RBM42: variants seen among roughly 807,000 people sequenced by gnomAD.
The protein encoded by RBM42 is RNA binding motif protein 42, also known as RNA-binding protein 42.
In RBM42, 21 loss-of-function variants were observed where a neutral mutation model predicts 41.4. That is an observed-to-expected ratio of 0.51 (90% CI 0.36 to 0.73). The LOEUF is 0.73. RBM42 is among the 30% of genes least tolerant of loss of function. The pLI is 0.00. For missense variants in RBM42, 539 were observed against 680.4 expected (o/e 0.79, Z 2.31); for synonymous variants, 272 against 271.2 (o/e 1.00, Z -0.03).
rs368312075 is a variant in RBM42, at chr19:35,637,385, C to T, written c.1330+33C>T. 3.5e-5 allele frequency: 57 copies of T among 1,613,300 alleles called. 1 individual carries two copies. The highest frequency in any genetic ancestry group is 1.8e-4 in the South Asian group (16 of 91,026). Reference sequence around the variant, plus strand: ...CGGCCTCCCCTGGGAACTGCAGGCGCGGCAGGCGCTGGCCTAAGCCTGACC... The same window carrying T: ...CGGCCTCCCCTGGGAACTGCAGGCGTGGCAGGCGCTGGCCTAAGCCTGACC... On this transcript the variant is annotated intron_variant, in intron 9 of 9. Coordinates refer to ENST00000262633, the MANE Select transcript of RBM42 (RefSeq NM_024321.5). This position sits in a 1 kb window ranked among gnomAD's most constrained non-coding sequence, Gnocchi z 7.0.
chr19:35,632,966 G>C lies in RBM42; in HGVS notation c.473G>C (p.Arg158Pro). 6.2e-7 allele frequency: 1 copy of C among 1,606,258 alleles called. No individual in the cohort carries two copies. The highest frequency in any genetic ancestry group is 8.5e-7 in the Non-Finnish European group (1 of 1,174,656). Residue 158 changes from arginine to proline, a missense_variant, in exon 5 of 10, where the codon CGT becomes CCT. Coordinates refer to ENST00000262633, the MANE Select transcript of RBM42 (RefSeq NM_024321.5). ...AVAPQRAPIL[R>P]PAFVPHVLQR... is the part of the protein sequence containing the mutation. ...GCCCCCCAGAGGGCCCCTATCCTGC[G>C]TCCAGCCTTCGTCCCCCACGTGCTA... is the stretch of plus-strand genomic sequence containing the variant.
At chr19:35,630,457 A>C (rs1368135224) in intron 2 of RBM42, among the ~76,000 whole-genome samples, 1 of 151,936 alleles carries the variant, frequency 6.6e-6, no homozygotes, top group Non-Finnish European at 1.5e-5. Flanking sequence ...AATCTTGTAG[A>C]GCCTTATGGC....
At chr19:35,634,088 CACAG>C (rs1967455047) in intron 7 of RBM42, 69 bp downstream of exon 7, 4 of 1,486,424 alleles carry the variant, frequency 2.7e-6, no homozygotes, top group Non-Finnish European at 2.7e-6. Flanking sequence ...GGAACTTCCA[CACAG>C]ACAGACCGGA....
At chr19:35,634,170 A>T (rs1967456389) in intron 7 of RBM42, 86 bp from the exon 8 acceptor site, 4 of 1,552,402 alleles carry the variant, frequency 2.6e-6, no homozygotes, top group Non-Finnish European at 3.5e-6. Flanking sequence ...TCCAGCCCTT[A>T]CTGTGGTGGC....
At chr19:35,636,649 C>T (rs1967502679) in intron 8 of RBM42, among the ~76,000 whole-genome samples, 2 of 152,168 alleles carry the variant, frequency 1.3e-5, no homozygotes, top group Non-Finnish European at 1.5e-5. Context: ...GCAGGCCTTG[C>T]CAAGGAAGCA....
chr19:35,633,179 C>G lies in RBM42; in HGVS notation c.611C>G (p.Pro204Arg). The G allele has an allele frequency of 1.2e-6, 2 of 1,612,174 alleles. No individual in the cohort carries two copies. The highest frequency in any genetic ancestry group is 1.7e-6 in the Non-Finnish European group (2 of 1,178,784). Residue 204 changes from proline to arginine, a missense_variant, in exon 6 of 10, where the codon CCC (proline) becomes CGC (arginine). Coordinates refer to ENST00000262633, the MANE Select transcript of RBM42 (RefSeq NM_024321.5). The stretch of plus-strand genomic sequence containing the variant: ...CCTCTGCCTGGGCCCCCTGGACCAC[C>G]CATGATGCTGCCACCAATGGCTCGG... ...GPPLPGPPGP[P>R]MMLPPMARAP...
In RBM42 at chr19:35,633,680, C is replaced by T; in HGVS notation, c.685-7C>T. On this transcript the variant is annotated splice_region_variant and splice_polypyrimidine_tract_variant and intron_variant, in intron 6 of 9. Coordinates refer to ENST00000262633, the MANE Select transcript of RBM42 (RefSeq NM_024321.5). ...CGGCCCCCCTCATGCTCTCCTCTTA[C>T]CCACAGGAAGAGCCAGCAGCACCCC... is the stretch of plus-strand genomic sequence containing the variant. 1 of 1,444,198 alleles carries T rather than the reference C, an allele frequency of 6.9e-7. No individual in the cohort carries two copies. Among genetic ancestry groups the T allele is most frequent in the Non-Finnish European group, 9.1e-7 (1 of 1,101,366 alleles). 89.5% of individuals were successfully genotyped at this position (1,444,198 alleles called of 1,614,324 possible). A position where few individuals can be genotyped will look rare whatever the true frequency, so the allele number is the denominator to read the frequency against.
rs993658145 is a variant in RBM42, at chr19:35,637,107, C to T, written c.1136-51C>T. 25 of 1,522,264 alleles carry T rather than the reference C, an allele frequency of 1.6e-5. No homozygotes were observed. The highest frequency in any genetic ancestry group is 2.2e-5 in the Non-Finnish European group (25 of 1,119,324). The allele number at this position is 1,522,264 out of a possible 1,614,324, so 94.3% of individuals were successfully genotyped here. A position where few individuals can be genotyped will look rare whatever the true frequency, so the allele number is the denominator to read the frequency against. On this transcript the variant is annotated intron_variant, in intron 8 of 9. Transcript: ENST00000262633. The surrounding 1 kb of genome is among the most constrained non-coding windows in gnomAD (Gnocchi z 7.0). ...GGTGGGATCGTTCAGACAAGGTAGA[C>T]ACTGGGCAAGGCCTCTGCATCCTCT...
Position 35,637,519 on chromosome 19 carries a change from A to C in RBM42, c.1408A>C (p.Lys470Gln). The C allele has an allele frequency of 6.2e-7, 1 of 1,614,222 alleles. No individual in the cohort carries two copies. Among genetic ancestry groups the C allele is most frequent in the Non-Finnish European group, 8.5e-7 (1 of 1,180,042 alleles). ...KDRNLDVVRKKQKEKKKLGLR is the reference protein window; with the variant it reads ...KDRNLDVVRKQQKEKKKLGLR ...CCGGAATCTGGACGTGGTCCGCAAG[A>C]AGCAGAAGGAAAAGAAGAAGCTGGG... The change falls in exon 10 of 10, where the codon AAG becomes CAG. Residue 470 changes from lysine (K) to glutamine (Q), a missense_variant. Lys to Gln is a moderately conservative substitution (Grantham distance 53). Around this residue, in one of 2 missense-constraint regions of RBM42, gnomAD observed 110 missense variants for 191.5 expected, o/e 0.57. Coordinates refer to ENST00000262633, the MANE Select transcript of RBM42 (RefSeq NM_024321.5). The surrounding 1 kb of genome is among the most constrained non-coding windows in gnomAD (Gnocchi z 7.0).
chr19:35,629,422 G>A, intron 1 of RBM42, 98 bp from the exon 2 acceptor site: 1 of 1,557,296 alleles, frequency 6.4e-7, no homozygotes, highest in Non-Finnish European at 8.7e-7. Context: ...GCGGGGATAG[G>A]GGAGAGGTTG....
chr19:35,630,519 G>A (rs750630730), intron 2 of RBM42, among the ~76,000 whole-genome samples: 5 of 152,140 alleles, frequency 3.3e-5, no homozygotes, highest in Non-Finnish European at 7.4e-5. Flanking sequence ...TGTAATCCCA[G>A]CACTTTGGGA....
chr19:35,629,066 A>C lies in RBM42; in HGVS notation c.-88A>C. 2.1e-6 allele frequency: 3 copies of C among 1,447,692 alleles called. No homozygotes were observed. Among genetic ancestry groups the C allele is most frequent in the Non-Finnish European group, 2.7e-6 (3 of 1,103,020 alleles). 89.7% of individuals were successfully genotyped at this position (1,447,692 alleles called of 1,614,324 possible). On this transcript the variant is annotated 5_prime_UTR_variant, in exon 1 of 10. Coordinates refer to ENST00000262633, the MANE Select transcript of RBM42 (RefSeq NM_024321.5). Reference sequence around the variant, plus strand: ...TGCTGGACGTCATCCTCGGGAGCCCACCCGGACGAAGGGGGAGAGTAGACA... The same window carrying C: ...TGCTGGACGTCATCCTCGGGAGCCCCCCCGGACGAAGGGGGAGAGTAGACA...
chr19:35,629,197 G>T lies in RBM42; in HGVS notation c.44G>T (p.Gly15Val). 6.5e-7 allele frequency: 1 copy of T among 1,535,278 alleles called. No individual in the cohort carries two copies. The highest frequency in any genetic ancestry group is 8.7e-7 in the Non-Finnish European group (1 of 1,144,166). ...GPAPGLPGAG[G>V]PVVPGPGAGI... ...GCCCCGGGACTCCCGGGTGCAGGAGGACCCGTGGTCCCGGGTCCTGGCGCT... is the reference window on the plus strand; with the variant it reads ...GCCCCGGGACTCCCGGGTGCAGGAGTACCCGTGGTCCCGGGTCCTGGCGCT... Residue 15 changes from glycine (G) to valine (V), a missense_variant, in exon 1 of 10, where the codon GGA becomes GTA. Physicochemically the swap from Gly to Val is moderately radical, Grantham distance 109 (BLOSUM62 -3). Transcript: ENST00000262633.
At chr19:35,631,035 A>G in intron 2 of RBM42, 105 bp from the exon 3 acceptor site, 1 of 1,005,426 alleles carries the variant, frequency 9.9e-7, no homozygotes, top group East Asian at 2.4e-5. Flanking sequence ...ATAGCCAGCC[A>G]CATACAGAGC....
chr19:35,631,019 C>A, intron 2 of RBM42, 121 bp from the exon 3 acceptor site: 1 of 860,902 alleles, frequency 1.2e-6, no homozygotes, highest in Non-Finnish European at 1.9e-6. Context: ...TTAGCTAAGA[C>A]CTGAGATAGC....
chr19:35,631,038 T>TAA lies in RBM42; in HGVS notation c.283-101_283-100insAA. On this transcript the variant is annotated intron_variant, in intron 2 of 9. Coordinates refer to ENST00000262633, the MANE Select transcript of RBM42 (RefSeq NM_024321.5). ...CTAAGACCTGAGATAGCCAGCCACA[T>TAA]ACAGAGCACAAAGCATGAAGCTCTT... The TAA allele has an allele frequency of 2.9e-6, 3 of 1,046,754 alleles. No individual in the cohort carries two copies. In the South Asian group the frequency reaches 3.9e-5, roughly 14 times the overall value. 64.8% of individuals were successfully genotyped at this position (1,046,754 alleles called of 1,614,324 possible).
In RBM42 at chr19:35,634,370, G is replaced by T. The variant is rs765949578; in HGVS notation, c.1132G>T (p.Ala378Ser). The T allele has an allele frequency of 1.2e-6, 2 of 1,612,264 alleles. No individual in the cohort carries two copies. The highest frequency in any genetic ancestry group is 3.3e-5 in the Admixed American group (2 of 59,996). The change falls in exon 8 of 10, where the codon GCA (alanine) becomes TCA (serine). Residue 378 changes from alanine (A) to serine (S), a missense_variant. Physicochemically the swap from Ala to Ser is moderately conservative, Grantham distance 99. This residue lies in a region of RBM42 where 110 missense variants were observed against 191.5 expected (regional missense o/e 0.57). Transcript: ENST00000262633. ...WEDPSLLEWD[A>S]DDFRIFCGDL... Reference sequence around the variant, plus strand: ...GGACCCCAGCCTGCTGGAGTGGGATGCAGGTAAGCTGCTGAAGCTCGAGGT... The same window carrying T: ...GGACCCCAGCCTGCTGGAGTGGGATTCAGGTAAGCTGCTGAAGCTCGAGGT...
chr19:35,632,785 G>A (rs1967427518), intron 4 of RBM42, 151 bp from the exon 5 acceptor site: 1 of 613,464 alleles, frequency 1.6e-6, no homozygotes, highest in African/African-American at 1.9e-5. Context: ...AACCAGGGGA[G>A]AGGCCCCCAC....
chr19:35,634,041 G>A, intron 7 of RBM42, 22 bp downstream of exon 7: 7 of 1,464,966 alleles, frequency 4.8e-6, no homozygotes, highest in Non-Finnish European at 6.3e-6. Context: ...GCCTAGCGGT[G>A]AAGGGACAGA....
Sources: allele counts gnomAD v4.1 joint callset (sites outside exome capture counted in the v4.1 genomes callset), GRCh38; gene constraint gnomAD v4.1.1; regional missense constraint gnomAD v4.1.1; non-coding constraint Gnocchi (gnomAD v3.1); transcripts MANE v1.5; gene names NCBI Gene and HGNC (gene_info 2026-07-23, HGNC 2026-07-21).